COA8: variants seen among roughly 807,000 people sequenced by gnomAD.
COA8 encodes UPF0671 protein C14orf153.
Under a neutral mutation model 22.0 loss-of-function variants are expected in COA8, and 20 were observed. The observed-to-expected ratio is 0.91, with a 90% CI of 0.64 to 1.32. The LOEUF is 1.32. Ranked by LOEUF, COA8 falls within the 40% of genes most tolerant of loss-of-function variation. The pLI, the probability that COA8 is intolerant of heterozygous loss-of-function variation, is 0.00. For synonymous variants in COA8, 105 were observed against 79.9 expected, an observed-to-expected ratio of 1.31 and a Z score of -1.68; for missense variants, 266 against 230.0, an observed-to-expected ratio of 1.16 and a Z score of -1.01.
chr14:103,567,454 G>C (rs2076144399), intron 1 of COA8: 1 of 151,690 alleles, frequency 6.6e-6, no homozygotes, highest in African/African-American at 2.4e-5. Flanking sequence ...TCTGAGGTGT[G>C]ATTATTGATA....
chr14:103,587,643 G>T (rs932056435), intron 4 of COA8, among the ~76,000 whole-genome samples: 4 of 151,376 alleles, frequency 2.6e-5, no homozygotes, highest in African/African-American at 9.7e-5. Context: ...GAGTAGCTGG[G>T]ACTACAGGCA....
intron 3 of COA8, among the ~76,000 whole-genome samples, chr14:103,584,013 G>T (rs1261351881): frequency 1.3e-5 from 2 of 152,216 alleles, no homozygotes; most frequent in African/African-American, 4.8e-5. Flanking sequence ...CCCTCTCTGG[G>T]CATGCCATCC....
chr14:103,577,647 G>A (rs1157007888), intron 3 of COA8, among the ~76,000 whole-genome samples: 1 of 152,142 alleles, frequency 6.6e-6, no homozygotes, highest in Non-Finnish European at 1.5e-5. Context: ...GTGAGGCTGA[G>A]GTGGGTGGAT....
intron 1 of COA8, among the ~76,000 whole-genome samples, chr14:103,570,271 G>A (rs2076172697): frequency 6.6e-6 from 1 of 152,182 alleles, no homozygotes; most frequent in African/African-American, 2.4e-5. Context: ...TTTCTAAAAA[G>A]GATTCCTAAA....
intron 1 of COA8, among the ~76,000 whole-genome samples, chr14:103,566,303 C>T (rs895962251): frequency 4.6e-5 from 7 of 152,020 alleles, no homozygotes; most frequent in African/African-American, 1.7e-4. Flanking sequence ...ACCTGTAATC[C>T]CAGCTAGTTG....
chr14:103,582,331 C>T (rs1174737285), intron 3 of COA8, among the ~76,000 whole-genome samples: 3 of 152,090 alleles, frequency 2.0e-5, no homozygotes, highest in Admixed American at 2.0e-4. Flanking sequence ...GCAGCCCTGC[C>T]ACTCCCTGTA....
chr14:103,588,946 A>G (rs2076330841), intron 4 of COA8, among the ~76,000 whole-genome samples: 1 of 152,232 alleles, frequency 6.6e-6, no homozygotes, highest in African/African-American at 2.4e-5. Context: ...TAAGGTTGTC[A>G]TGTATTACTC....
intron 4 of COA8, among the ~76,000 whole-genome samples, chr14:103,589,957 A>G (rs2076338321): frequency 6.6e-6 from 1 of 151,712 alleles, no homozygotes; most frequent in African/African-American, 2.4e-5. Context: ...GCCTCCAGAA[A>G]CAGGGCTGGA....
At chr14:103,566,419 C>T (rs566280198) in intron 1 of COA8, among the ~76,000 whole-genome samples, 9 of 151,634 alleles carry the variant, frequency 5.9e-5, no homozygotes, top group African/African-American at 2.2e-4. Flanking sequence ...GACTCATTCT[C>T]AAAAAGAAAA....
At chr14:103,574,571 C>G (rs916484241) in intron 3 of COA8, 2 of 372,672 alleles carry the variant, frequency 5.4e-6, no homozygotes, top group Non-Finnish European at 1.1e-5. Context: ...TCATGCTGTT[C>G]GTTAAACAGA....
chr14:103,575,256 G>A lies in COA8; in HGVS notation c.385+1086G>A, dbSNP rs576674365. On this transcript the variant is annotated intron_variant, in intron 3 of 4. Coordinates refer to ENST00000409074, the MANE Select transcript of COA8 (RefSeq NM_001370595.2). ...GACTAGGTCGGCTCATAGCTTGGAA[G>A]GGCTTTGGAGACAGCCACTCTCCTA... Among the ~76,000 whole-genome samples the A allele has an allele frequency of 4.2e-4, 64 of 152,386 alleles. No individual in the cohort carries two copies. In the South Asian group the frequency reaches 4.3e-3, roughly 10 times the overall value.
At chr14:103,588,462 T>G (rs2076326975) in intron 4 of COA8, among the ~76,000 whole-genome samples, 1 of 139,716 alleles carries the variant, frequency 7.2e-6, no homozygotes, top group Non-Finnish European at 1.5e-5. Context: ...AATAAATAAA[T>G]AAGTAAGTAA....
chr14:103,574,309 C>A, intron 3 of COA8, 139 bp downstream of exon 3: 2 of 1,162,262 alleles, frequency 1.7e-6, no homozygotes, highest in Non-Finnish European at 2.6e-6. Context: ...CTCGGCACAC[C>A]CCTGTCCAAG....
In COA8 at chr14:103,581,068, G is replaced by A. The variant is rs1195779438; in HGVS notation, c.386-6206G>A. ...GCCCGTCTTGGCCTCCCAAAGTCCT[G>A]GGATTACAGGCGTGAGCCACCGCGC... On this transcript the variant is annotated intron_variant, in intron 3 of 4. Coordinates refer to ENST00000409074, the MANE Select transcript of COA8 (RefSeq NM_001370595.2). The surrounding 1 kb of genome is among the most constrained non-coding windows in gnomAD (Gnocchi z 4.1). Among the ~76,000 whole-genome samples the A allele has an allele frequency of 6.6e-6, 1 of 152,086 alleles. No individual in the cohort carries two copies. The highest frequency in any genetic ancestry group is 1.5e-5 in the Non-Finnish European group (1 of 68,020).
intron 4 of COA8, 144 bp downstream of exon 4, chr14:103,587,508 CTTTTTTT>C (rs368240107): frequency 1.3e-5 from 4 of 308,800 alleles, no homozygotes; most frequent in Non-Finnish European, 2.3e-5. Flanking sequence ...TTCTTTTTTT[CTTTTTTT>C]TTTTTTTTTT....
At chr14:103,569,259 C>T (rs138188469) in intron 1 of COA8, among the ~76,000 whole-genome samples, 136 of 152,272 alleles carry the variant, frequency 8.9e-4, no homozygotes, top group African/African-American at 3.2e-3. Flanking sequence ...TGCTTGTCCT[C>T]GCTTTTAAAT....
At chr14:103,573,013 C>T (rs937875781) in intron 2 of COA8, among the ~76,000 whole-genome samples, 2 of 151,904 alleles carry the variant, frequency 1.3e-5, no homozygotes, top group African/African-American at 4.8e-5. Context: ...GATCTCCTGA[C>T]CTCGTGATCC....
At chr14:103,563,286 T>G in intron 1 of COA8, 162 bp downstream of exon 1, 1 of 952,650 alleles carries the variant, frequency 1.0e-6, no homozygotes, top group Non-Finnish European at 1.6e-6. Context: ...GGCTCCCGCA[T>G]CAACGCCCTC....
chr14:103,571,276 G>A (rs1255840520), intron 1 of COA8, among the ~76,000 whole-genome samples: 1 of 152,150 alleles, frequency 6.6e-6, no homozygotes, highest in Non-Finnish European at 1.5e-5. Flanking sequence ...GGCTGAGGCA[G>A]GAGAATGGCG....
Sources: gnomAD v4.1 joint callset for allele counts (sites outside exome capture counted in the v4.1 genomes callset) on GRCh38, gnomAD v4.1.1 for gene constraint, Gnocchi (gnomAD v3.1) non-coding constraint, MANE v1.5 for transcripts, NCBI Gene and HGNC (gene_info 2026-07-23, HGNC 2026-07-21) for gene names.